TCAF1: variants seen among roughly 807,000 people sequenced by gnomAD.
TCAF1 encodes the protein TRPM8 channel associated factor 1.
TCAF1 carries 4 observed loss-of-function variants against 27.3 expected under a neutral mutation model. The ratio of observed to expected loss-of-function variants is 0.15; its 90% CI spans 0.07 to 0.34. The LOEUF is 0.34. TCAF1 is among the 10% of genes least tolerant of loss of function. The pLI is 1.00. For missense variants in TCAF1, 257 were observed against 425.8 expected, an observed-to-expected ratio of 0.60 and a Z score of 3.49; for synonymous variants, 105 against 167.1, an observed-to-expected ratio of 0.63 and a Z score of 2.87.
At chr7:143,869,896 TG>T (rs1812361383) in intron 2 of TCAF1, among the ~76,000 whole-genome samples, 1 of 70,806 alleles carries the variant, frequency 1.4e-5, no homozygotes, top group Admixed American at 1.9e-4. Flanking sequence ...AGTGTTGGAA[TG>T]TTTAAAATTA....
At chr7:143,883,473 C>A (rs1376796844) in intron 1 of TCAF1, among the ~76,000 whole-genome samples, 2 of 145,992 alleles carry the variant, frequency 1.4e-5, no homozygotes, top group African/African-American at 5.0e-5. Context: ...GTGTACAGTT[C>A]AAATCGCATT....
At chr7:143,882,840 C>G in intron 1 of TCAF1, 1 of 985,632 alleles carries the variant, frequency 1.0e-6, no homozygotes, top group Non-Finnish European at 1.2e-6. Context: ...ACTGGGCGAC[C>G]GAGCCGGGAT....
At chr7:143,900,129 A>G (rs1173108663) in intron 1 of TCAF1, among the ~76,000 whole-genome samples, 3 of 152,192 alleles carry the variant, frequency 2.0e-5, no homozygotes, top group Non-Finnish European at 4.4e-5. Context: ...ACTCCCAGCT[A>G]TATACTCTAG....
chr7:143,898,089 A>G (rs1813968094), intron 1 of TCAF1, among the ~76,000 whole-genome samples: 1 of 152,114 alleles, frequency 6.6e-6, no homozygotes, highest in South Asian at 2.1e-4. Context: ...TGTTGTTAAT[A>G]TAGTTAAAGG....
At chr7:143,900,519 C>A (rs914522357) in intron 1 of TCAF1, among the ~76,000 whole-genome samples, 1 of 151,886 alleles carries the variant, frequency 6.6e-6, no homozygotes, top group Non-Finnish European at 1.5e-5. Flanking sequence ...GAGAGGTCCT[C>A]GACCCTACGC....
At chr7:143,894,008 G>A (rs1257275000) in intron 1 of TCAF1, among the ~76,000 whole-genome samples, 1 of 151,676 alleles carries the variant, frequency 6.6e-6, no homozygotes, top group African/African-American at 2.4e-5. Context: ...GAGACACAGA[G>A]AGAGAATCCA....
At position 143,876,582 on chromosome 7, in the gene TCAF1, C is replaced by T. The variant is rs142533963; in HGVS notation, c.27G>A (p.Glu9=). MATPSAAF[E]ALMNGVTSWD... ...AGCTTGTCACACCATTCATAAGGGC[C>T]TCGAAGGCAGCAGAGGGAGTCGCCA... Residue 9 remains glutamate (E), a synonymous_variant, in exon 2 of 9, where the codon GAG becomes GAA. Transcript: ENST00000479870. 6.6e-7 allele frequency: 1 copy of T among 1,516,498 alleles called. No homozygotes were observed. Among genetic ancestry groups the T allele is most frequent in the Non-Finnish European group, 8.8e-7 (1 of 1,135,426 alleles). The allele number at this position is 1,516,498 out of a possible 1,614,324, so 93.9% of individuals were successfully genotyped here.
In TCAF1 at chr7:143,852,197, T is replaced by C. The variant is rs542070883; in HGVS notation, c.*1936A>G. 4.0e-5 allele frequency: 6 copies of C among 151,830 alleles called. No individual in the cohort carries two copies. Among genetic ancestry groups the C allele is most frequent in the African/African-American group, 1.2e-4 (5 of 41,382 alleles). The allele number at this position is 151,830 out of a possible 1,614,324, so 9.4% of individuals were successfully genotyped here. A position where few individuals can be genotyped will look rare whatever the true frequency, so the allele number is the denominator to read the frequency against. On this transcript the variant is annotated 3_prime_UTR_variant, in exon 9 of 9. Coordinates refer to ENST00000479870, the MANE Select transcript of TCAF1 (RefSeq NM_014719.3). ...ATTGGACCTGAATTTTTTGACATAT[T>C]GTTGATTTGTCTTTCTTTTTTCTTG... is the stretch of plus-strand genomic sequence containing the variant.
intron 1 of TCAF1, among the ~76,000 whole-genome samples, chr7:143,880,520 A>T (rs1003049855): frequency 6.6e-6 from 1 of 152,222 alleles, no homozygotes; most frequent in Non-Finnish European, 1.5e-5. Context: ...GTCTTTATAC[A>T]AATCTGCATC....
At chr7:143,876,800 C>A (rs1234228612) in intron 1 of TCAF1, among the ~76,000 whole-genome samples, 178 bp from the exon 2 acceptor site, 1 of 152,186 alleles carries the variant, frequency 6.6e-6, no homozygotes, top group Non-Finnish European at 1.5e-5. Context: ...CCCCAATGGG[C>A]CCTCTCCTCT....
chr7:143,891,597 A>T (rs1286151690), intron 1 of TCAF1, among the ~76,000 whole-genome samples: 2 of 152,178 alleles, frequency 1.3e-5, no homozygotes, highest in East Asian at 3.8e-4. Flanking sequence ...AGAAAACATG[A>T]TACACAAAGA....
intron 2 of TCAF1, among the ~76,000 whole-genome samples, 166 bp downstream of exon 2, chr7:143,875,823 G>A (rs563799492): frequency 6.6e-6 from 1 of 152,302 alleles, no homozygotes; most frequent in East Asian, 1.9e-4. Flanking sequence ...TGAGGACCTT[G>A]CCCCTCCTAT....
intron 1 of TCAF1, among the ~76,000 whole-genome samples, chr7:143,901,285 T>C (rs921046473): frequency 6.6e-6 from 1 of 152,238 alleles, no homozygotes; most frequent in Non-Finnish European, 1.5e-5. Flanking sequence ...ACACATTCTG[T>C]CCTTTACGTC....
Position 143,900,282 on chromosome 7 carries a change from T to C in TCAF1, c.-15+1679A>G, listed in dbSNP as rs73725425. On this transcript the variant is annotated intron_variant, in intron 1 of 8. Transcript: ENST00000479870. ...TGAGTTGGGCCTAGGGACTCACTTCTAATGAATATAAAATGGCAAAAATAA... is the reference window on the plus strand; with the variant it reads ...TGAGTTGGGCCTAGGGACTCACTTCCAATGAATATAAAATGGCAAAAATAA... Among the ~76,000 whole-genome samples the C allele has an allele frequency of 9.1e-3, 1,379 of 152,196 alleles. 24 individuals carry two copies. The highest frequency in any genetic ancestry group is 0.031 in the African/African-American group (1,292 of 41,520).
intron 1 of TCAF1, among the ~76,000 whole-genome samples, chr7:143,897,014 C>T (rs1026151823): frequency 1.3e-5 from 2 of 148,462 alleles, no homozygotes; most frequent in South Asian, 2.1e-4. Context: ...AAAATTAAAA[C>T]AAAAAGAGAA....
chr7:143,894,239 A>C (rs893112543), intron 1 of TCAF1, among the ~76,000 whole-genome samples: 1 of 151,898 alleles, frequency 6.6e-6, no homozygotes, highest in Non-Finnish European at 1.5e-5. Context: ...TTCTGCAAAA[A>C]AGTTTAGTCC....
At chr7:143,875,891 G>A (rs1812668233) in intron 2 of TCAF1, 98 bp downstream of exon 2, 2 of 1,083,218 alleles carry the variant, frequency 1.8e-6, no homozygotes, top group South Asian at 3.5e-5. Flanking sequence ...CTGAGTGCCT[G>A]GGAGCACTCT....
chr7:143,877,384 A>ACT (rs1291188635), intron 1 of TCAF1, among the ~76,000 whole-genome samples: 1 of 152,118 alleles, frequency 6.6e-6, no homozygotes, highest in Non-Finnish European at 1.5e-5. Context: ...AGCTTGGAGA[A>ACT]CTCAGAACTT....
chr7:143,876,598 G>C lies in TCAF1; in HGVS notation c.11C>G (p.Pro4Arg). ...CATAAGGGCCTCGAAGGCAGCAGAG[G>C]GAGTCGCCATGGCTCTATTGGTTTC... is the stretch of plus-strand genomic sequence containing the variant. Reference protein sequence around the residue: MATPSAAFEALMNG... With the variant: MATRSAAFEALMNG... The change falls in exon 2 of 9, where the codon CCC becomes CGC. Residue 4 changes from proline to arginine, a missense_variant. Pro to Arg is a moderately radical substitution (Grantham distance 103). This residue lies in a region of TCAF1 where 255 missense variants were observed against 260.1 expected (regional missense o/e 0.98). Coordinates refer to ENST00000479870, the MANE Select transcript of TCAF1 (RefSeq NM_014719.3). 1 of 1,509,402 alleles carries C rather than the reference G, an allele frequency of 6.6e-7. No homozygotes were observed. Among genetic ancestry groups the C allele is most frequent in the Non-Finnish European group, 8.8e-7 (1 of 1,131,904 alleles). The allele number at this position is 1,509,402 out of a possible 1,614,324, so 93.5% of individuals were successfully genotyped here.
Sources: gnomAD v4.1 joint callset for allele counts (sites outside exome capture counted in the v4.1 genomes callset) on GRCh38, gnomAD v4.1.1 for gene constraint, gnomAD v4.1.1 regional missense constraint, MANE v1.5 for transcripts, NCBI Gene and HGNC (gene_info 2026-07-23, HGNC 2026-07-21) for gene names.